ADAMTSL1: variants seen among roughly 807,000 people sequenced by gnomAD.
ADAMTSL1 encodes ADAMTS-like protein 1.
ADAMTSL1 carries 126 observed loss-of-function variants against 201.8 expected under a neutral mutation model. That is an observed-to-expected ratio of 0.62 (90% confidence interval 0.54 to 0.72). The LOEUF is 0.72. Among genes scored for constraint, ADAMTSL1 ranks in the 30% least tolerant of loss-of-function variants. ADAMTSL1 has a pLI of 0.00. For missense variants in ADAMTSL1, 2,679 were observed against 2,277.8 expected (o/e 1.18, Z -3.59); for synonymous variants, 1,121 against 903.4 (o/e 1.24, Z -4.32).
chr9:17,924,935 A>G (rs1472882196), intron 1 of ADAMTSL1, among the ~76,000 whole-genome samples: 21 of 126,100 alleles, frequency 1.7e-4, no homozygotes, highest in African/African-American at 5.1e-4. Context: ...AAATGGGAGA[A>G]AATTTTCGCA....
chr9:18,149,511 T>G (rs1826812993), intron 1 of ADAMTSL1, among the ~76,000 whole-genome samples: 1 of 151,992 alleles, frequency 6.6e-6, no homozygotes. Flanking sequence ...CTGCAGTGGT[T>G]TCTGGAGCAC....
At chr9:18,889,971 T>C (rs10963820) in intron 25 of ADAMTSL1, among the ~76,000 whole-genome samples, 30,517 of 151,968 alleles carry the variant, frequency 0.2, 3,461 homozygotes, top group African/African-American at 0.31. Flanking sequence ...ACCCCACTAA[T>C]GGCCAGCCAG....
intron 4 of ADAMTSL1, among the ~76,000 whole-genome samples, chr9:18,612,504 G>A (rs958381956): frequency 6.6e-6 from 1 of 152,090 alleles, no homozygotes; most frequent in African/African-American, 2.4e-5. Flanking sequence ...AGTGAACAGG[G>A]CATCCAAATA....
rs778630560 is a variant in ADAMTSL1, at chr9:18,775,853, T to G, written c.2508T>G (p.Pro836=). 24 of 1,604,334 alleles carry G rather than the reference T, an allele frequency of 1.5e-5. No individual in the cohort carries two copies. The highest frequency in any genetic ancestry group is 2.0e-5 in the Non-Finnish European group (23 of 1,175,096). Residue 836 remains proline (P), a synonymous_variant, in exon 18 of 29, where the codon CCT becomes CCG. Coordinates refer to ENST00000380548, the MANE Select transcript of ADAMTSL1 (RefSeq NM_001040272.6). ...VVNSTLCPPL[P]FSSSIRPCML... ...ATTCCACCCTGTGCCCGCCCCTGCC[T>G]TTCTCTTCCTCCATCAGGCCCTGTA...
chr9:18,885,782 G>A (rs879297383), intron 23 of ADAMTSL1, among the ~76,000 whole-genome samples: 2 of 152,082 alleles, frequency 1.3e-5, no homozygotes, highest in African/African-American at 4.8e-5. Context: ...GCAAAGAAAC[G>A]AAGGAGGTAG....
chr9:18,677,669 T>G (rs1479548577), intron 10 of ADAMTSL1, among the ~76,000 whole-genome samples: 3 of 152,082 alleles, frequency 2.0e-5, no homozygotes, highest in Admixed American at 2.0e-4. Context: ...TAAAATTGAT[T>G]TCTTATAGGT....
intron 2 of ADAMTSL1, among the ~76,000 whole-genome samples, chr9:18,248,984 C>T (rs72684960): frequency 0.041 from 6,310 of 152,142 alleles, 163 homozygotes; most frequent in Non-Finnish European, 0.054. Flanking sequence ...GTCTGAAAAT[C>T]CATTTGAGTT....
intron 23 of ADAMTSL1, among the ~76,000 whole-genome samples, chr9:18,886,168 A>G (rs1257177260): frequency 0.013 from 502 of 39,362 alleles, 3 homozygotes; most frequent in African/African-American, 0.066. Flanking sequence ...GTGTATGTGT[A>G]TATATATATA....
chr9:18,500,322 G>A (rs368394661), intron 1 of ADAMTSL1, among the ~76,000 whole-genome samples: 1 of 152,230 alleles, frequency 6.6e-6, no homozygotes, highest in African/African-American at 2.4e-5. Context: ...GATGGATGTA[G>A]GAGAGCTCTT....
chr9:18,578,221 G>C (rs1012896700), intron 4 of ADAMTSL1, among the ~76,000 whole-genome samples: 7 of 152,088 alleles, frequency 4.6e-5, no homozygotes, highest in Non-Finnish European at 1.0e-4. Flanking sequence ...CATGAGCTGA[G>C]ATTTTGTCTA....
chr9:18,277,495 T>C (rs971264509), intron 2 of ADAMTSL1, among the ~76,000 whole-genome samples: 1 of 152,194 alleles, frequency 6.6e-6, no homozygotes, highest in African/African-American at 2.4e-5. Flanking sequence ...TATATTGTCT[T>C]GATGAGTTGA....
intron 2 of ADAMTSL1, among the ~76,000 whole-genome samples, chr9:18,183,523 A>G (rs990062096): frequency 6.6e-6 from 1 of 152,218 alleles, no homozygotes; most frequent in African/African-American, 2.4e-5. Context: ...AAACTCAACA[A>G]TAAACAAACA....
At chr9:18,331,210 G>C (rs1586907224) in intron 2 of ADAMTSL1, among the ~76,000 whole-genome samples, 1 of 152,316 alleles carries the variant, frequency 6.6e-6, no homozygotes, top group East Asian at 1.9e-4. Flanking sequence ...AGAAGAGTGA[G>C]ACAGGATGCT....
intron 2 of ADAMTSL1, among the ~76,000 whole-genome samples, chr9:18,311,926 A>T (rs1403609059): frequency 1.3e-5 from 2 of 152,198 alleles, no homozygotes; most frequent in African/African-American, 4.8e-5. Flanking sequence ...TATCCCAGGG[A>T]GAGGACAGCA....
intron 2 of ADAMTSL1, among the ~76,000 whole-genome samples, chr9:18,397,379 C>A (rs566646252): frequency 6.6e-6 from 1 of 152,042 alleles, no homozygotes; most frequent in East Asian, 1.9e-4. Context: ...TCTATGATAC[C>A]ATTGAATCCA....
chr9:18,754,315 T>C (rs1393677217), intron 16 of ADAMTSL1, among the ~76,000 whole-genome samples: 2 of 152,214 alleles, frequency 1.3e-5, no homozygotes, highest in Admixed American at 6.5e-5. Context: ...TAATATGCAT[T>C]TATCAAACGT....
rs1824399364 is a variant in ADAMTSL1 at position 18,099,347 on chromosome 9, ATATATATATTTTTTT to A, written c.88-64513_88-64499del. Among the ~76,000 whole-genome samples the A allele has an allele frequency of 1.5e-4, 7 of 47,338 alleles. 1 individual carries two copies. The South Asian group carries it at 3.6e-3, about 25-fold the overall frequency. 31.1% of individuals were successfully genotyped at this position (47,338 alleles called of 152,430 possible). On this transcript the variant is annotated intron_variant, in intron 1 of 29. Transcript: ENST00000680146. ...GGAAAATATATATATATATATATAT[ATATATATATTTTTTT>A]TTTTTTTTTTAACATCCATTAATTT...
At chr9:18,418,448 G>T (rs755320528) in intron 2 of ADAMTSL1, among the ~76,000 whole-genome samples, 1 of 152,160 alleles carries the variant, frequency 6.6e-6, no homozygotes, top group Non-Finnish European at 1.5e-5. Context: ...ACACAGTTTT[G>T]ATTGTCTATG....
intron 1 of ADAMTSL1, among the ~76,000 whole-genome samples, chr9:18,050,076 C>A (rs1563970039): frequency 1.3e-5 from 2 of 152,126 alleles, no homozygotes; most frequent in African/African-American, 4.8e-5. Context: ...CTTTAGTCAT[C>A]CAGTGGAAAA....
Sources: allele counts gnomAD v4.1 joint callset (sites outside exome capture counted in the v4.1 genomes callset), GRCh38; gene constraint gnomAD v4.1.1; transcripts MANE v1.5; gene names NCBI Gene and HGNC (gene_info 2026-07-23, HGNC 2026-07-21).